Variants in HMSD observed in about 807,000 individuals in gnomAD.
The protein encoded by HMSD is histocompatibility minor serpin domain containing.
A neutral mutation model predicts 10.0 loss-of-function variants in HMSD; 13 were observed. The observed-to-expected ratio is 1.31, with a 90% CI of 0.85 to 2.08. The LOEUF (loss-of-function observed/expected upper bound fraction) is 2.08, where lower values mean the gene tolerates loss of function less well. HMSD is among the 30% of genes most tolerant of loss of function. HMSD has a pLI of 0.00. For synonymous variants in HMSD, 51 were observed against 54.2 expected, an observed-to-expected ratio of 0.94 and a Z score of 0.26; for missense variants, 169 against 166.3, an observed-to-expected ratio of 1.02 and a Z score of -0.09.
chr18:63,963,085 CTTT>C (rs2050394317), downstream of HMSD, among the ~76,000 whole-genome samples: 1 of 98,934 alleles, frequency 1.0e-5, no homozygotes, highest in African/African-American at 5.0e-5. Flanking sequence ...TTCTTTCTTT[CTTT>C]CTTTCTTTCT....
chr18:63,960,503 G>T lies in HMSD; in HGVS notation c.*148G>T, dbSNP rs1046759356. ...CTCTAGATGAAATAATCTCTTCCAG[G>T]TTTTTTTGCTTGTTAATATTAGGTA... On this transcript the variant is annotated 3_prime_UTR_variant, in exon 4 of 4. Transcript: ENST00000408945. 14 of 1,227,818 alleles carry T rather than the reference G, an allele frequency of 1.1e-5. No individual in the cohort carries two copies. The highest frequency in any genetic ancestry group is 3.1e-5 in the African/African-American group (2 of 63,772). The allele number at this position is 1,227,818 out of a possible 1,614,324, so 76.1% of individuals were successfully genotyped here.
chr18:63,952,378 T>G (rs1248199340), intron 1 of HMSD, among the ~76,000 whole-genome samples: 1 of 152,060 alleles, frequency 6.6e-6, no homozygotes, highest in African/African-American at 2.4e-5. Flanking sequence ...CAAATGACAC[T>G]GAAACAAATA....
intron 3 of HMSD, among the ~76,000 whole-genome samples, chr18:63,967,592 C>T (rs942141610): frequency 6.6e-6 from 1 of 152,136 alleles, no homozygotes; most frequent in African/African-American, 2.4e-5. Flanking sequence ...CTGAGACTAG[C>T]CTAGGAGTGT....
At chr18:63,969,079 G>A (rs941147283) in intron 3 of HMSD, among the ~76,000 whole-genome samples, 1 of 152,152 alleles carries the variant, frequency 6.6e-6, no homozygotes, top group Non-Finnish European at 1.5e-5. Flanking sequence ...GCTTCCTGCA[G>A]GAGACATTAT....
rs574223439 is a variant in HMSD at position 63,950,952 on chromosome 18, C to T, written c.-103+1552C>T. Among the ~76,000 whole-genome samples, 8 of 152,232 alleles carry T rather than the reference C, an allele frequency of 5.3e-5. No individual in the cohort carries two copies. The East Asian group carries it at 1.5e-3, about 29-fold the overall frequency. On this transcript the variant is annotated intron_variant, in intron 1 of 3. Transcript: ENST00000408945. ...AGAAAAGTATTAAAATAAGCATTAC[C>T]ATCACCCTAGGAAATATAAAAAGAT...
chr18:63,954,328 T>G, intron 2 of HMSD, 80 bp from the exon 3 acceptor site: 1 of 959,172 alleles, frequency 1.0e-6, no homozygotes, highest in Non-Finnish European at 1.6e-6. Flanking sequence ...AATCTCATAT[T>G]GCTGAGTTTA....
chr18:63,962,761 G>A (rs2050391630), downstream of HMSD, among the ~76,000 whole-genome samples: 1 of 152,172 alleles, frequency 6.6e-6, no homozygotes, highest in African/African-American at 2.4e-5. Flanking sequence ...AGAAGATGGA[G>A]GCAGTACCTT....
At chr18:63,955,878 T>C (rs977361896) in intron 3 of HMSD, among the ~76,000 whole-genome samples, 3 of 152,220 alleles carry the variant, frequency 2.0e-5, no homozygotes, top group Non-Finnish European at 2.9e-5. Context: ...TGAGAGTTCC[T>C]AGTGGGATTC....
rs1450263568 is a variant in HMSD, at chr18:63,961,344, T to C, written c.*989T>C. 6.6e-6 allele frequency: 1 copy of C among 152,114 alleles called. No individual in the cohort carries two copies. The highest frequency in any genetic ancestry group is 1.5e-5 in the Non-Finnish European group (1 of 68,018). The allele number at this position is 152,114 out of a possible 1,614,324, so 9.4% of individuals were successfully genotyped here. On this transcript the variant is annotated 3_prime_UTR_variant, in exon 4 of 4. Transcript: ENST00000408945. ...AAATCATAAAACATAGAGATAACAA[T>C]ATGCATATTGTTCCTAGAGGGTCTT...
chr18:63,959,695 AT>A (rs2144762563), intron 3 of HMSD, among the ~76,000 whole-genome samples: 1 of 152,066 alleles, frequency 6.6e-6, no homozygotes, highest in Admixed American at 6.6e-5. Flanking sequence ...TTCTTTACTA[AT>A]TTTCTGCTTG....
At chr18:63,959,093 A>T (rs2050373426) in intron 3 of HMSD, among the ~76,000 whole-genome samples, 1 of 152,182 alleles carries the variant, frequency 6.6e-6, no homozygotes, top group Non-Finnish European at 1.5e-5. Flanking sequence ...AACATCCCCT[A>T]GTACAGTCAT....
chr18:63,962,174 C>G (rs1246224059), downstream of HMSD, among the ~76,000 whole-genome samples: 1 of 152,100 alleles, frequency 6.6e-6, no homozygotes, highest in African/African-American at 2.4e-5. Context: ...GATAATAAAC[C>G]CATGAGGAAT....
intron 1 of HMSD, among the ~76,000 whole-genome samples, chr18:63,950,957 C>A (rs77422078): frequency 0.021 from 3,135 of 152,080 alleles, 110 homozygotes; most frequent in African/African-American, 0.071. Flanking sequence ...ATTACCATCA[C>A]CCTAGGAAAT....
chr18:63,956,962 T>C (rs1475135532), intron 3 of HMSD, among the ~76,000 whole-genome samples: 2 of 152,040 alleles, frequency 1.3e-5, no homozygotes. Context: ...ATAAGCAAAC[T>C]AATACGGGAG....
intron 3 of HMSD, among the ~76,000 whole-genome samples, chr18:63,957,801 A>T (rs989494660): frequency 6.6e-5 from 10 of 152,222 alleles, no homozygotes; most frequent in Non-Finnish European, 1.2e-4. Flanking sequence ...AATATAAATT[A>T]AAAAGATGAG....
chr18:63,963,119 T>TTCTG (rs1491257777), downstream of HMSD, among the ~76,000 whole-genome samples: 2 of 136,720 alleles, frequency 1.5e-5, no homozygotes, highest in African/African-American at 5.4e-5. Context: ...CTTTCTTTCT[T>TTCTG]TCTTTCTTTC....
At chr18:63,957,084 T>C (rs1409405905) in intron 3 of HMSD, among the ~76,000 whole-genome samples, 1 of 151,852 alleles carries the variant, frequency 6.6e-6, no homozygotes, top group Non-Finnish European at 1.5e-5. Context: ...GGGAGAAGGG[T>C]GTGGGGAGGG....
chr18:63,960,047 T>C, intron 3 of HMSD, 111 bp from the exon 4 acceptor site: 2 of 1,096,424 alleles, frequency 1.8e-6, no homozygotes, highest in South Asian at 1.5e-5. Context: ...TTGCAAATTA[T>C]ATATGGTAAA....
chr18:63,958,548 G>T (rs942039408), intron 3 of HMSD, among the ~76,000 whole-genome samples: 2 of 152,048 alleles, frequency 1.3e-5, no homozygotes, highest in Non-Finnish European at 2.9e-5. Context: ...CTTTTATGTG[G>T]CATAGTGTAG....
Sources: gnomAD v4.1 joint callset for allele counts (sites outside exome capture counted in the v4.1 genomes callset) on GRCh38, gnomAD v4.1.1 for gene constraint, MANE v1.5 for transcripts, NCBI Gene and HGNC (gene_info 2026-07-23, HGNC 2026-07-21) for gene names.